The following DST variants were observed in gnomAD, a reference collection of about 807,000 sequenced individuals.
DST encodes the protein dystonin, also known as bullous pemphigoid antigen.
DST carries 253 observed loss-of-function variants against 875.2 expected under a neutral mutation model. The ratio of observed to expected loss-of-function variants is 0.29; its 90% confidence interval spans 0.26 to 0.32. The LOEUF (loss-of-function observed/expected upper bound fraction) is 0.32, where lower values mean the gene tolerates loss of function less well. DST is among the 10% of genes least tolerant of loss of function. The pLI, the probability that DST is intolerant of heterozygous loss-of-function variation, is 1.00. For synonymous variants in DST, 3,124 were observed against 3,197.1 expected (o/e 0.98, Z 0.77); for missense variants, 8,287 against 9,111.6 (o/e 0.91, Z 3.68).
chr6:56,839,154 G>A (rs976063981), intron 4 of DST, among the ~76,000 whole-genome samples: 2 of 152,190 alleles, frequency 1.3e-5, no homozygotes, highest in Non-Finnish European at 2.9e-5. Flanking sequence ...TATAAGGGCT[G>A]GAAGAGGAGC....
At chr6:56,630,204 A>G (rs1262774119) in intron 31 of DST, 41 bp downstream of exon 31, 5 of 1,422,082 alleles carry the variant, frequency 3.5e-6, no homozygotes, top group Non-Finnish European at 4.9e-6. Flanking sequence ...AAATACTTGT[A>G]GAATACGATA....
intron 36 of DST, chr6:56,620,502 T>C (rs774579203): frequency 6.2e-7 from 1 of 1,614,092 alleles, no homozygotes; most frequent in Non-Finnish European, 8.5e-7. Flanking sequence ...TCTTCTACAT[T>C]TCTCTGCTGC....
At chr6:56,588,123 A>G (rs1459203042) in intron 49 of DST, among the ~76,000 whole-genome samples, 2 of 152,228 alleles carry the variant, frequency 1.3e-5, no homozygotes, top group Non-Finnish European at 2.9e-5. Flanking sequence ...TAGCAACACA[A>G]GAACAGCCAA....
intron 66 of DST, among the ~76,000 whole-genome samples, 153 bp downstream of exon 66, chr6:56,529,295 G>T (rs1371077571): frequency 6.6e-6 from 1 of 152,060 alleles, no homozygotes. Context: ...TCTTTAAAAT[G>T]ACTTCATTAA....
Position 56,642,418 on chromosome 6 carries a change from G to A in DST, c.1864C>T (p.Leu622Phe), listed in dbSNP as rs374009818. The A allele has an allele frequency of 3.5e-5, 56 of 1,611,006 alleles. No homozygotes were observed. Among genetic ancestry groups the A allele is most frequent in the Non-Finnish European group, 4.6e-5 (54 of 1,177,340 alleles). The part of the protein sequence containing the change: ...EDKLILAGNA[L>F]QSDSKRLESG... ...TCCTAAAATTAACTTACAGACTGAAGAGCATTTCCAGCAAGAATCAGTTTG... is the reference window on the plus strand; with the variant it reads ...TCCTAAAATTAACTTACAGACTGAAAAGCATTTCCAGCAAGAATCAGTTTG... Residue 622 changes from leucine (L) to phenylalanine (F), a missense_variant, in exon 16 of 104, where the codon CTT becomes TTT. Coordinates refer to ENST00000680361, the MANE Select transcript of DST (RefSeq NM_001374736.1).
chr6:56,643,885 AATT>A (rs1354254137), intron 15 of DST, among the ~76,000 whole-genome samples: 2 of 152,234 alleles, frequency 1.3e-5, no homozygotes, highest in African/African-American at 4.8e-5. Context: ...TTTATTAAGT[AATT>A]ATTATGTGCA....
At chr6:56,614,833 C>T in intron 36 of DST, 7 of 997,066 alleles carry the variant, frequency 7.0e-6, no homozygotes, top group Non-Finnish European at 8.4e-6. Flanking sequence ...ATTGTCCTGA[C>T]AAAAAGGTAC....
intron 4 of DST, among the ~76,000 whole-genome samples, chr6:56,830,985 A>T (rs1320502330): frequency 6.6e-6 from 1 of 152,202 alleles, no homozygotes; most frequent in Non-Finnish European, 1.5e-5. Flanking sequence ...CACCTAGTCA[A>T]TGCAATCATG....
At chr6:56,880,029 T>A (rs555420910) in intron 3 of DST, among the ~76,000 whole-genome samples, 1 of 152,222 alleles carries the variant, frequency 6.6e-6, no homozygotes, top group Admixed American at 6.5e-5. Context: ...CCACAATGAA[T>A]AGGTACCTTT....
chr6:56,622,819 A>T (rs2098702739), intron 36 of DST, among the ~76,000 whole-genome samples: 1 of 152,154 alleles, frequency 6.6e-6, no homozygotes, highest in Admixed American at 6.5e-5. Flanking sequence ...TCTAATATCT[A>T]ATATCTATTA....
chr6:56,616,954 T>TA (rs779830825), intron 36 of DST: 4 of 1,604,290 alleles, frequency 2.5e-6, no homozygotes, highest in Non-Finnish European at 3.4e-6. Flanking sequence ...CCTGAGCTTC[T>TA]AAAAATGCCA....
At chr6:56,615,617 G>C (rs752160896) in intron 36 of DST, 5 of 1,613,922 alleles carry the variant, frequency 3.1e-6, no homozygotes, top group African/African-American at 2.7e-5. Context: ...TTTTTCTAAG[G>C]CTTCTTTATA....
rs766121381 is a variant in DST, at chr6:56,639,511, T to C, written c.2798A>G (p.Glu933Gly). ...LIWLNEKEEE[E>G]VAYDWSERNT... Reference sequence around the variant, plus strand: ...TCTCTCACTCCAGTCATAAGCAACTTCCTCCTCTTCTTTTTCATTCAACCA... The same window carrying C: ...TCTCTCACTCCAGTCATAAGCAACTCCCTCCTCTTCTTTTTCATTCAACCA... Residue 933 changes from glutamate (E) to glycine (G), a missense_variant, in exon 21 of 104, where the codon GAA becomes GGA. By Grantham distance (98) the Glu-to-Gly change is moderately conservative (BLOSUM62 -2). This residue lies in a region of DST where 1,160 missense variants were observed against 1,424.3 expected (regional missense o/e 0.81). Transcript: ENST00000680361. 1.9e-6 allele frequency: 3 copies of C among 1,613,868 alleles called. No individual in the cohort carries two copies. The highest frequency in any genetic ancestry group is 2.5e-6 in the Non-Finnish European group (3 of 1,179,896).
intron 9 of DST, among the ~76,000 whole-genome samples, chr6:56,696,179 T>G (rs2099262578): frequency 6.6e-6 from 1 of 152,208 alleles, no homozygotes; most frequent in Non-Finnish European, 1.5e-5. Flanking sequence ...TTTATTTTTT[T>G]GAGACAGAGT....
intron 9 of DST, among the ~76,000 whole-genome samples, chr6:56,677,235 A>C (rs922345562): frequency 1.3e-5 from 2 of 152,172 alleles, no homozygotes; most frequent in African/African-American, 2.4e-5. Flanking sequence ...CACATAGAAA[A>C]TTCTACAAAT....
chr6:56,859,383 A>C (rs1356961791), intron 3 of DST, among the ~76,000 whole-genome samples: 1 of 152,216 alleles, frequency 6.6e-6, no homozygotes, highest in Non-Finnish European at 1.5e-5. Flanking sequence ...AAAAATTTTC[A>C]AAAAATTTCA....
At chr6:56,806,376 C>A (rs1042619353) in intron 4 of DST, among the ~76,000 whole-genome samples, 5 of 152,020 alleles carry the variant, frequency 3.3e-5, no homozygotes, top group Non-Finnish European at 7.4e-5. Flanking sequence ...CAGTGACATA[C>A]AAAAAGAGCA....
chr6:56,645,383 C>T lies in DST; in HGVS notation c.1778+483G>A, dbSNP rs752834601. Reference sequence around the variant, plus strand: ...CATGGAGTAAATCCACTTGTAGAAGCGTGGCAGAAAGGGAACCTGAACTAA... The same window carrying T: ...CATGGAGTAAATCCACTTGTAGAAGTGTGGCAGAAAGGGAACCTGAACTAA... On this transcript the variant is annotated intron_variant, in intron 15 of 103. Transcript: ENST00000680361. Among the ~76,000 whole-genome samples, 7 of 152,230 alleles carry T rather than the reference C, an allele frequency of 4.6e-5. No homozygotes were observed. In the South Asian group the frequency reaches 1.0e-3, roughly 23 times the overall value.
In DST at chr6:56,609,291, T is replaced by C. The variant is rs757592238; in HGVS notation, c.5337A>G (p.Ser1779=). ...TIDQTTGEVL[S]VFQAVLRGLI... ...GGCCTCTTAAAACTGCTTGAAAGAC[T>C]GAAAGGACTTCTCCAGTTGTCTGAT... is the stretch of plus-strand genomic sequence containing the variant. Residue 1779 remains serine (S), a synonymous_variant, in exon 40 of 104, where the codon TCA becomes TCG. Coordinates refer to ENST00000680361, the MANE Select transcript of DST (RefSeq NM_001374736.1). 1.2e-6 allele frequency: 2 copies of C among 1,613,444 alleles called. No individual in the cohort carries two copies. Among genetic ancestry groups the C allele is most frequent in the East Asian group, 2.2e-5 (1 of 44,866 alleles).
Sources: allele counts gnomAD v4.1 joint callset (sites outside exome capture counted in the v4.1 genomes callset), GRCh38; gene constraint gnomAD v4.1.1; regional missense constraint gnomAD v4.1.1; transcripts MANE v1.5; gene names NCBI Gene and HGNC (gene_info 2026-07-23, HGNC 2026-07-21).